HNF4G: variants seen among roughly 807,000 people sequenced by gnomAD.
HNF4G encodes hepatocyte nuclear factor 4 gamma.
A neutral mutation model predicts 50.9 loss-of-function variants in HNF4G; 21 were observed. That is an observed-to-expected ratio of 0.41 (90% confidence interval 0.29 to 0.59). The LOEUF (loss-of-function observed/expected upper bound fraction) is 0.59, where lower values mean the gene tolerates loss of function less well. HNF4G is among the 20% of genes least tolerant of loss of function. The pLI, the probability that HNF4G is intolerant of heterozygous loss-of-function variation, is 0.26. For synonymous variants in HNF4G, 198 were observed against 185.6 expected, an observed-to-expected ratio of 1.07 and a Z score of -0.54; for missense variants, 527 against 559.4, an observed-to-expected ratio of 0.94 and a Z score of 0.58.
chr8:75,418,722 C>CTTTTTT (rs560295179), intron 1 of HNF4G, among the ~76,000 whole-genome samples: 22 of 109,384 alleles, frequency 2.0e-4, no homozygotes, highest in South Asian at 2.9e-4. Flanking sequence ...CTCTCTCTCT[C>CTTTTTT]TTTTTTTTTT....
At chr8:75,546,745 T>C (rs983887805) in intron 2 of HNF4G, among the ~76,000 whole-genome samples, 32 of 152,162 alleles carry the variant, frequency 2.1e-4, no homozygotes, top group African/African-American at 7.0e-4. Flanking sequence ...TGTGCAGTCA[T>C]GCCACATTTT....
intron 5 of HNF4G, among the ~76,000 whole-genome samples, chr8:75,554,707 C>G (rs2130806970): frequency 6.6e-6 from 1 of 152,214 alleles, no homozygotes; most frequent in Non-Finnish European, 1.5e-5. Context: ...CATAAATGTA[C>G]ACTCTATTTG....
chr8:75,505,326 C>G (rs1813047225), intron 2 of HNF4G, among the ~76,000 whole-genome samples: 1 of 152,104 alleles, frequency 6.6e-6, no homozygotes, highest in Admixed American at 6.6e-5. Context: ...GCTAGCTGTG[C>G]TTCTTTCCTG....
At chr8:75,476,389 C>A (rs1812241775) in intron 1 of HNF4G, among the ~76,000 whole-genome samples, 1 of 152,160 alleles carries the variant, frequency 6.6e-6, no homozygotes, top group Non-Finnish European at 1.5e-5. Flanking sequence ...AACAGTGCTG[C>A]AATAAACATA....
At chr8:75,418,791 G>A (rs183554647) in intron 1 of HNF4G, among the ~76,000 whole-genome samples, 4 of 139,650 alleles carry the variant, frequency 2.9e-5, no homozygotes, top group Non-Finnish European at 4.5e-5. Flanking sequence ...GCAATGGCAC[G>A]ATCTCAGCTC....
In HNF4G at chr8:75,558,970, A is replaced by C; in HGVS notation, c.1056A>C (p.Gln352His). ...LQSITWQMIE[Q>H]IQFVKLFGMV... is the part of the protein sequence containing the mutation. ...GCATCACGTGGCAAATGATTGAGCA[A>C]ATACAGTTTGTTAAACTTTTTGGGA... is the stretch of plus-strand genomic sequence containing the variant. Residue 352 changes from glutamine (Q) to histidine (H), a missense_variant, in exon 8 of 10, where the codon CAA (glutamine) becomes CAC (histidine). Transcript: ENST00000396423. The C allele has an allele frequency of 6.2e-7, 1 of 1,614,082 alleles. No individual in the cohort carries two copies. Among genetic ancestry groups the C allele is most frequent in the Non-Finnish European group, 8.5e-7 (1 of 1,179,952 alleles).
intron 2 of HNF4G, among the ~76,000 whole-genome samples, chr8:75,492,150 C>T (rs1812647023): frequency 6.6e-6 from 1 of 152,200 alleles, no homozygotes; most frequent in Non-Finnish European, 1.5e-5. Context: ...CAATTCCTGG[C>T]TTGAAATGCT....
chr8:75,470,462 C>T (rs929288470), intron 1 of HNF4G, among the ~76,000 whole-genome samples: 2 of 152,112 alleles, frequency 1.3e-5, no homozygotes, highest in African/African-American at 4.8e-5. Flanking sequence ...TTTCTCTCCC[C>T]CCACAGATTG....
At chr8:75,453,195 G>C (rs1811628432) in intron 1 of HNF4G, among the ~76,000 whole-genome samples, 1 of 152,196 alleles carries the variant, frequency 6.6e-6, no homozygotes, top group African/African-American at 2.4e-5. Flanking sequence ...ACACTTATTT[G>C]AGCCTCCTGG....
At chr8:75,434,655 A>G (rs1811094944) in intron 1 of HNF4G, among the ~76,000 whole-genome samples, 1 of 150,884 alleles carries the variant, frequency 6.6e-6, no homozygotes, top group Non-Finnish European at 1.5e-5. Flanking sequence ...AAATGATTCC[A>G]GAACACAAAC....
chr8:75,520,007 C>T lies in HNF4G; in HGVS notation c.-23-23804C>T, dbSNP rs908942817. Among the ~76,000 whole-genome samples the T allele has an allele frequency of 1.3e-5, 2 of 151,830 alleles. 1 individual carries two copies. Among genetic ancestry groups the T allele is most frequent in the South Asian group, 4.2e-4 (2 of 4,810 alleles). On this transcript the variant is annotated intron_variant, in intron 2 of 10. Coordinates refer to the HNF4G transcript ENST00000354370. ...TTTGTTTTCTGTTTCTTTTTTTTCT[C>T]TCTTCCAGCCTTCTCTGTGTTAAAT...
At chr8:75,441,951 G>T (rs1226346959) in intron 1 of HNF4G, among the ~76,000 whole-genome samples, 1 of 152,136 alleles carries the variant, frequency 6.6e-6, no homozygotes, top group Non-Finnish European at 1.5e-5. Context: ...GTATATTCAC[G>T]TGATGATTTA....
At chr8:75,473,853 A>G (rs1447502514) in intron 1 of HNF4G, among the ~76,000 whole-genome samples, 1 of 151,956 alleles carries the variant, frequency 6.6e-6, no homozygotes, top group Non-Finnish European at 1.5e-5. Flanking sequence ...GTTTGGGTAG[A>G]TGAGGTTAAA....
chr8:75,526,516 T>C (rs1418513140), intron 2 of HNF4G, among the ~76,000 whole-genome samples: 3 of 151,698 alleles, frequency 2.0e-5, no homozygotes, highest in Admixed American at 6.6e-5. Context: ...CTCCTTCTCC[T>C]TCTCCTTTCT....
At position 75,564,121 on chromosome 8, in the gene HNF4G, C is replaced by G; in HGVS notation, c.*25C>G. 1 of 1,610,920 alleles carries G rather than the reference C, an allele frequency of 6.2e-7. No individual in the cohort carries two copies. On this transcript the variant is annotated 3_prime_UTR_variant, in exon 10 of 10. Transcript: ENST00000396423. The stretch of plus-strand genomic sequence containing the variant: ...AAAATGTGTTTACTTCAGAACGGCA[C>G]TACATAAATGTGAAAAGTTGTTGAT...
At chr8:75,465,870 T>C (rs543047004) in intron 1 of HNF4G, among the ~76,000 whole-genome samples, 25 of 152,286 alleles carry the variant, frequency 1.6e-4, no homozygotes, top group African/African-American at 5.5e-4. Context: ...TAAACCTTCC[T>C]AGAATCCTCC....
intron 2 of HNF4G, among the ~76,000 whole-genome samples, chr8:75,507,741 G>T (rs1805633775): frequency 6.6e-6 from 1 of 152,090 alleles, no homozygotes; most frequent in African/African-American, 2.4e-5. Flanking sequence ...TGTTCAAAAA[G>T]AATTAATTCA....
chr8:75,517,990 TAA>T (rs1302200861), intron 2 of HNF4G, among the ~76,000 whole-genome samples: 61 of 151,556 alleles, frequency 4.0e-4, no homozygotes, highest in African/African-American at 1.5e-3. Context: ...CTTTTTTTTT[TAA>T]TTATTATTAT....
At chr8:75,537,097 T>A (rs1270147378), upstream of HNF4G, among the ~76,000 whole-genome samples, 1 of 152,162 alleles carries the variant, frequency 6.6e-6, no homozygotes, top group African/African-American at 2.4e-5. Flanking sequence ...AGGCACATCT[T>A]ACCAATTTTA....
Sources: gnomAD v4.1 joint callset for allele counts (sites outside exome capture counted in the v4.1 genomes callset) on GRCh38, gnomAD v4.1.1 for gene constraint, MANE v1.5 for transcripts, NCBI Gene and HGNC (gene_info 2026-07-23, HGNC 2026-07-21) for gene names.